CTBP2: variants seen among roughly 807,000 people sequenced by gnomAD.
CTBP2 encodes the protein C-terminal binding protein 2.
A neutral mutation model predicts 80.3 loss-of-function variants in CTBP2; 30 were observed. The ratio of observed to expected loss-of-function variants is 0.37; its 90% CI spans 0.28 to 0.51. CTBP2 has a LOEUF of 0.51. Ranked by LOEUF, CTBP2 falls within the 20% of genes least tolerant of loss-of-function variation. The pLI, the probability that CTBP2 is intolerant of heterozygous loss-of-function variation, is 0.93. For synonymous variants in CTBP2, 594 were observed against 587.4 expected (o/e 1.01, Z -0.16); for missense variants, 1,212 against 1,375.3 (o/e 0.88, Z 1.88).
At position 125,026,314 on chromosome 10, in the gene CTBP2, C is replaced by G; in HGVS notation, c.1446G>C (p.Thr482=). 6.2e-7 allele frequency: 1 copy of G among 1,613,920 alleles called. No individual in the cohort carries two copies. Among genetic ancestry groups the G allele is most frequent in the Non-Finnish European group, 8.5e-7 (1 of 1,179,958 alleles). Residue 482 remains threonine (T), a synonymous_variant, in exon 1 of 9, where the codon ACG becomes ACC. Transcript: ENST00000309035. Reference sequence around the variant, plus strand: ...GCAGCTCCATGGGCACCGTGTATGCCGTGGAGTAGGCTGTTCTGGGGCCTG... The same window carrying G: ...GCAGCTCCATGGGCACCGTGTATGCGGTGGAGTAGGCTGTTCTGGGGCCTG...
rs1308340291 is a variant in CTBP2, at chr10:124,989,331, A to C, written c.*187T>G. ...TTAATAAATCACATCCTAGTCTTTC[A>C]GCGCTTCCGTAAGCAGACGACATCT... On this transcript the variant is annotated 3_prime_UTR_variant, in exon 9 of 9. Coordinates refer to ENST00000309035, the MANE Select transcript of CTBP2 (RefSeq NM_022802.3). 1 of 654,534 alleles carries C rather than the reference A, an allele frequency of 1.5e-6. No individual in the cohort carries two copies. The highest frequency in any genetic ancestry group is 1.8e-5 in the African/African-American group (1 of 55,350). 40.5% of individuals were successfully genotyped at this position (654,534 alleles called of 1,614,324 possible).
At chr10:125,063,210 T>C (rs928404064) in intron 2 of CTBP2, among the ~76,000 whole-genome samples, 2 of 152,222 alleles carry the variant, frequency 1.3e-5, no homozygotes, top group Non-Finnish European at 2.9e-5. Context: ...CGAAGCAATC[T>C]GGAAAGCTAA....
At chr10:125,060,198 G>A (rs913604483) in intron 2 of CTBP2, among the ~76,000 whole-genome samples, 9 of 151,980 alleles carry the variant, frequency 5.9e-5, no homozygotes, top group Non-Finnish European at 1.0e-4. Flanking sequence ...TTAAGGCACC[G>A]TGTGCTATTT....
chr10:125,012,814 AG>A (rs1956077817), intron 1 of CTBP2, among the ~76,000 whole-genome samples: 1 of 152,150 alleles, frequency 6.6e-6, no homozygotes, highest in South Asian at 2.1e-4. Flanking sequence ...TTCTGAACTC[AG>A]GTGATCCGCC....
intron 1 of CTBP2, among the ~76,000 whole-genome samples, chr10:125,134,524 C>T (rs570227471): frequency 3.7e-4 from 57 of 152,294 alleles, no homozygotes; most frequent in South Asian, 1.2e-3. Flanking sequence ...ATAATCCTAC[C>T]GCTCCCAGCA....
At chr10:125,097,015 CCTCT>C (rs959782154) in intron 2 of CTBP2, among the ~76,000 whole-genome samples, 4 of 152,052 alleles carry the variant, frequency 2.6e-5, no homozygotes, top group Admixed American at 2.0e-4. Flanking sequence ...ACCAGTTTTC[CCTCT>C]CTCAGTATAT....
chr10:124,999,663 G>C (rs1011230570), intron 3 of CTBP2: 1 of 152,228 alleles, frequency 6.6e-6, no homozygotes, highest in Admixed American at 6.5e-5. Context: ...TGTGGTTGAC[G>C]GTGACTGAGG....
chr10:125,008,138 G>A (rs1590034962), intron 1 of CTBP2, among the ~76,000 whole-genome samples: 4 of 152,280 alleles, frequency 2.6e-5, no homozygotes, highest in Admixed American at 2.6e-4. Flanking sequence ...CAGAGACAGG[G>A]TTTCGCGATG....
intron 2 of CTBP2, among the ~76,000 whole-genome samples, chr10:125,097,877 G>C (rs181607147): frequency 6.6e-6 from 1 of 152,240 alleles, no homozygotes; most frequent in Admixed American, 6.5e-5. Context: ...AGCACCTTGG[G>C]AGGCCAAGGC....
At position 124,989,453 on chromosome 10, in the gene CTBP2, T is replaced by A; in HGVS notation, c.*65A>T. The A allele has an allele frequency of 1.1e-5, 16 of 1,437,340 alleles. No individual in the cohort carries two copies. The highest frequency in any genetic ancestry group is 1.6e-5 in the Non-Finnish European group (16 of 1,020,928). The allele number at this position is 1,437,340 out of a possible 1,614,324, so 89.0% of individuals were successfully genotyped here. A position where few individuals can be genotyped will look rare whatever the true frequency, so the allele number is the denominator to read the frequency against. Reference sequence around the variant, plus strand: ...ACCATCCGATTCTTTTTCTCTTAGTTCATCTATTTTTCACTGTCTCTTGGT... The same window carrying A: ...ACCATCCGATTCTTTTTCTCTTAGTACATCTATTTTTCACTGTCTCTTGGT... On this transcript the variant is annotated 3_prime_UTR_variant, in exon 9 of 9. Transcript: ENST00000309035.
chr10:125,142,525 G>C (rs1288957724), intron 1 of CTBP2, among the ~76,000 whole-genome samples: 1 of 152,180 alleles, frequency 6.6e-6, no homozygotes, highest in East Asian at 1.9e-4. Flanking sequence ...AACTTTCCTC[G>C]GTGATGGGAT....
chr10:125,041,623 T>C (rs1264795249), intron 2 of CTBP2, among the ~76,000 whole-genome samples: 3 of 151,254 alleles, frequency 2.0e-5, no homozygotes, highest in African/African-American at 7.3e-5. Context: ...TGGCCCCTCC[T>C]TGACTCTGTT....
At chr10:125,093,701 G>C (rs1440072822) in intron 2 of CTBP2, among the ~76,000 whole-genome samples, 1 of 152,198 alleles carries the variant, frequency 6.6e-6, no homozygotes, top group Non-Finnish European at 1.5e-5. Context: ...AAAGCCCACG[G>C]CATCTGCCAT....
At chr10:125,100,648 G>C (rs1850471638) in intron 2 of CTBP2, 1 of 152,180 alleles carries the variant, frequency 6.6e-6, no homozygotes, top group African/African-American at 2.4e-5. Flanking sequence ...TTTACAGGAA[G>C]GAAGGGCTGG....
At chr10:125,142,128 CG>C (rs1419611554) in intron 1 of CTBP2, among the ~76,000 whole-genome samples, 1 of 152,104 alleles carries the variant, frequency 6.6e-6, no homozygotes, top group African/African-American at 2.4e-5. Context: ...TTGCAGGGGA[CG>C]GGGGCGGTTT....
At chr10:125,013,700 T>G (rs1956169511) in intron 1 of CTBP2, among the ~76,000 whole-genome samples, 4 of 152,160 alleles carry the variant, frequency 2.6e-5, no homozygotes. Context: ...GGGGGGAACT[T>G]GCCCGGGGTC....
chr10:125,099,201 G>T (rs1152684), intron 2 of CTBP2, among the ~76,000 whole-genome samples: 1 of 152,050 alleles, frequency 6.6e-6, no homozygotes, highest in Admixed American at 6.5e-5. Flanking sequence ...CAAATCTGAC[G>T]TCTGTTCTTG....
intron 1 of CTBP2, among the ~76,000 whole-genome samples, chr10:125,148,499 T>C (rs1162558150): frequency 1.3e-5 from 2 of 152,224 alleles, no homozygotes; most frequent in African/African-American, 2.4e-5. Flanking sequence ...GCTTCCTTGC[T>C]GAGAAATATT....
intron 2 of CTBP2, among the ~76,000 whole-genome samples, chr10:125,108,413 T>C (rs1851782108): frequency 6.6e-6 from 1 of 152,234 alleles, no homozygotes; most frequent in South Asian, 2.1e-4. Flanking sequence ...CACGTGATTT[T>C]CATCTACCTC....
Sources: gnomAD v4.1 joint callset for allele counts (sites outside exome capture counted in the v4.1 genomes callset) on GRCh38, gnomAD v4.1.1 for gene constraint, MANE v1.5 for transcripts, NCBI Gene and HGNC (gene_info 2026-07-23, HGNC 2026-07-21) for gene names.